Variants in NRAP observed in about 807,000 individuals in gnomAD.
The protein encoded by NRAP is nebulin-related-anchoring protein.
A neutral mutation model predicts 225.9 loss-of-function variants in NRAP; 189 were observed. The observed-to-expected ratio is 0.84, with a 90% CI of 0.74 to 0.94. The LOEUF is 0.94. Ranked by LOEUF, NRAP falls within the 40% of genes least tolerant of loss-of-function variation. The probability of loss-of-function intolerance (pLI) is 0.00; values close to 1 mark genes in which losing one functional copy is unlikely to be tolerated. For synonymous variants in NRAP, 769 were observed against 790.7 expected, an observed-to-expected ratio of 0.97 and a Z score of 0.46; for missense variants, 2,176 against 2,168.7, an observed-to-expected ratio of 1.00 and a Z score of -0.07.
At chr10:113,626,215 CCA>C (rs892548200) in intron 20 of NRAP, 70 bp from the exon 21 acceptor site, 833 of 884,878 alleles carry the variant, frequency 9.4e-4, no homozygotes, top group Non-Finnish European at 1.1e-3. Flanking sequence ...TCATGTGCCC[CCA>C]CACACACACA....
intron 40 of NRAP, 97 bp from the exon 41 acceptor site, chr10:113,589,894 G>A: frequency 3.7e-6 from 5 of 1,353,536 alleles, no homozygotes; most frequent in Non-Finnish European, 5.1e-6. Context: ...CACAGTATGA[G>A]ACTATGTTGT....
At chr10:113,647,375 T>C (rs1249881653) in intron 9 of NRAP, among the ~76,000 whole-genome samples, 3 of 151,734 alleles carry the variant, frequency 2.0e-5, no homozygotes, top group African/African-American at 7.3e-5. Flanking sequence ...TGTCTTCCAG[T>C]AGGTCTCGAA....
chr10:113,589,696 G>C lies in NRAP; in HGVS notation c.5058C>G (p.Asn1686Lys). ...EMARRAAELA[N>K]ARGLGLQGAY... ...CTCCCTGGAGACCCAGGCCCCTTGCGTTGGCCAGTTCCGCAGCCCGCCGAG... is the reference window on the plus strand; with the variant it reads ...CTCCCTGGAGACCCAGGCCCCTTGCCTTGGCCAGTTCCGCAGCCCGCCGAG... Residue 1686 changes from asparagine to lysine, a missense_variant, in exon 41 of 42, where the codon AAC (asparagine) becomes AAG (lysine). Transcript: ENST00000359988. 6.2e-7 allele frequency: 1 copy of C among 1,614,072 alleles called. No homozygotes were observed. The highest frequency in any genetic ancestry group is 8.5e-7 in the Non-Finnish European group (1 of 1,180,030).
At chr10:113,632,027 T>G (rs1051467832) in intron 16 of NRAP, 63 bp from the exon 17 acceptor site, 1 of 1,086,300 alleles carries the variant, frequency 9.2e-7, no homozygotes, top group African/African-American at 1.6e-5. Context: ...ACGTCAAAGA[T>G]TTTTTCAAAG....
chr10:113,592,415 G>T, intron 38 of NRAP, 114 bp from the exon 39 acceptor site: 1 of 606,940 alleles, frequency 1.6e-6, no homozygotes, highest in Non-Finnish European at 2.9e-6. Flanking sequence ...GGACGGCACA[G>T]CCTATAGCTC....
chr10:113,659,619 G>C (rs1428349910), intron 3 of NRAP, among the ~76,000 whole-genome samples: 1 of 152,126 alleles, frequency 6.6e-6, no homozygotes, highest in African/African-American at 2.4e-5. Context: ...TTACCAGTGG[G>C]GTAAGGAAGC....
At chr10:113,621,343 C>CA in intron 24 of NRAP, among the ~76,000 whole-genome samples, 1 of 132,446 alleles carries the variant, frequency 7.6e-6, no homozygotes, top group Non-Finnish European at 1.7e-5. Flanking sequence ...ACACACACAA[C>CA]CTTCCTGTGT....
rs763705902 is a variant in NRAP, at chr10:113,650,519, T to C, written c.702A>G (p.Gln234=). The C allele has an allele frequency of 1.9e-6, 3 of 1,613,402 alleles. No homozygotes were observed. Among genetic ancestry groups the C allele is most frequent in the East Asian group, 4.5e-5 (2 of 44,874 alleles). ...SDVRYTEDYE[Q]QRGKGSFPAM... is the part of the protein sequence containing the mutation. ...CAGGGAAACTGCCTTTCCCTCTTTG[T>C]TGTTCATAGTCCTCTGTGTATCTCA... is the stretch of plus-strand genomic sequence containing the variant. The change falls in exon 8 of 42, where the codon CAA becomes CAG. Residue 234 remains glutamine (Q), a synonymous_variant. Coordinates refer to ENST00000359988, the MANE Select transcript of NRAP (RefSeq NM_198060.4).
intron 3 of NRAP, among the ~76,000 whole-genome samples, chr10:113,659,659 G>A (rs1850539266): frequency 6.6e-6 from 1 of 152,112 alleles, no homozygotes; most frequent in Non-Finnish European, 1.5e-5. Flanking sequence ...TCTCTGAATA[G>A]AAGAAAACCC....
chr10:113,653,442 C>A (rs1850112393), intron 5 of NRAP, among the ~76,000 whole-genome samples: 1 of 152,186 alleles, frequency 6.6e-6, no homozygotes, highest in Admixed American at 6.5e-5. Flanking sequence ...TTGAATATCT[C>A]TGATGATTAG....
intron 9 of NRAP, among the ~76,000 whole-genome samples, chr10:113,649,204 G>A (rs1849780338): frequency 6.6e-6 from 1 of 152,190 alleles, no homozygotes; most frequent in Non-Finnish European, 1.5e-5. Flanking sequence ...AGACTCATAT[G>A]AGCATATGCC....
chr10:113,595,665 G>A lies in NRAP; in HGVS notation c.4494C>T (p.Pro1498=), dbSNP rs374898562. ...CATTGAGGCGAGCTCGGGTGAAATC[G>A]GGATGGTCGGGGATCAGGGTGTATC... The part of the protein sequence containing the change: ...LHRYTLIPDH[P]DFTRARLNAL... The change falls in exon 38 of 42, where the codon CCC becomes CCT. Residue 1498 remains proline (P), a synonymous_variant. Transcript: ENST00000359988. The A allele has an allele frequency of 1.2e-5, 20 of 1,613,788 alleles. No homozygotes were observed. Among genetic ancestry groups the A allele is most frequent in the African/African-American group, 1.1e-4 (8 of 74,912 alleles).
At chr10:113,649,694 T>C (rs1280114370) in intron 9 of NRAP, among the ~76,000 whole-genome samples, 1 of 152,226 alleles carries the variant, frequency 6.6e-6, no homozygotes, top group Non-Finnish European at 1.5e-5. Flanking sequence ...GATCTCTATG[T>C]TGCTTATGAT....
chr10:113,655,600 C>T (rs956624763), intron 4 of NRAP, among the ~76,000 whole-genome samples: 1 of 151,944 alleles, frequency 6.6e-6, no homozygotes, highest in African/African-American at 2.4e-5. Context: ...GGATTACAGG[C>T]ATGTACCACC....
At chr10:113,625,385 C>A (rs190781973) in intron 21 of NRAP, among the ~76,000 whole-genome samples, 1 of 152,202 alleles carries the variant, frequency 6.6e-6, no homozygotes, top group Non-Finnish European at 1.5e-5. Flanking sequence ...AGTGAGCATG[C>A]GTGGACATCT....
At position 113,651,879 on chromosome 10, in the gene NRAP, C is replaced by G. The variant is rs369577578; in HGVS notation, c.599G>C (p.Arg200Pro). 1.2e-6 allele frequency: 2 copies of G among 1,612,718 alleles called. No homozygotes were observed. The highest frequency in any genetic ancestry group is 1.7e-6 in the Non-Finnish European group (2 of 1,178,820). The change falls in exon 7 of 42, where the codon CGC becomes CCC. Residue 200 changes from arginine (R) to proline (P), a missense_variant. By Grantham distance (103) the Arg-to-Pro change is moderately radical (BLOSUM62 -2). Around this residue, in one of 3 missense-constraint regions of NRAP, gnomAD observed 1,708 missense variants for 1,695.5 expected, o/e 1.01. Transcript: ENST00000359988. ...CACCACCGTGGAGAACCTGGAGATG[C>G]GTTCATCATGCCCTCTCTTATACTC... ...QVEYKRGHDE[R>P]ISRFSTVVDT...
intron 40 of NRAP, 108 bp from the exon 41 acceptor site, chr10:113,589,905 C>A: frequency 2.4e-6 from 3 of 1,267,932 alleles, no homozygotes; most frequent in Non-Finnish European, 3.3e-6. Context: ...ACTATGTTGT[C>A]TGTCATCAGT....
At position 113,605,779 on chromosome 10, in the gene NRAP, C is replaced by T; in HGVS notation, c.3898G>A (p.Gly1300Arg). Residue 1300 changes from glycine to arginine, a missense_variant, in exon 34 of 42, where the codon GGA (glycine) becomes AGA (arginine). Physicochemically the swap from Gly to Arg is moderately radical, Grantham distance 125. Transcript: ENST00000359988. ...CAACTCACATCACTGGCTATATCTCCAGAGGCCCGGGCAGCCTGGAAGGGG... is the reference window on the plus strand; with the variant it reads ...CAACTCACATCACTGGCTATATCTCTAGAGGCCCGGGCAGCCTGGAAGGGG... ...ALPFQAARAS[G>R]DIASDFLYRH... The T allele has an allele frequency of 6.2e-7, 1 of 1,613,038 alleles. No individual in the cohort carries two copies. The highest frequency in any genetic ancestry group is 8.5e-7 in the Non-Finnish European group (1 of 1,178,968).
intron 39 of NRAP, among the ~76,000 whole-genome samples, chr10:113,591,992 C>T (rs1846019505): frequency 6.6e-6 from 1 of 152,182 alleles, no homozygotes; most frequent in Admixed American, 6.5e-5. Flanking sequence ...GAAATACAGC[C>T]CTCCTTGACC....
Sources: allele counts gnomAD v4.1 joint callset (sites outside exome capture counted in the v4.1 genomes callset), GRCh38; gene constraint gnomAD v4.1.1; regional missense constraint gnomAD v4.1.1; transcripts MANE v1.5; gene names NCBI Gene and HGNC (gene_info 2026-07-23, HGNC 2026-07-21).